Variants in KLHL12 observed in about 807,000 individuals in gnomAD.
KLHL12 encodes the protein kelch like family member 12, also known as kelch-like protein 12.
KLHL12 carries 17 observed loss-of-function variants against 60.8 expected under a neutral mutation model. The ratio of observed to expected loss-of-function variants is 0.28; its 90% CI spans 0.19 to 0.42. The LOEUF is 0.42. Ranked by LOEUF, KLHL12 falls within the 10% of genes least tolerant of loss-of-function variation. The pLI is 1.00. For missense variants in KLHL12, 468 were observed against 722.3 expected (o/e 0.65, Z 4.04); for synonymous variants, 220 against 250.9 (o/e 0.88, Z 1.16).
At chr1:202,928,092 G>T (rs2102470140), upstream of KLHL12, among the ~76,000 whole-genome samples, 1 of 151,832 alleles carries the variant, frequency 6.6e-6, no homozygotes, top group South Asian at 2.1e-4. Flanking sequence ...GGCTAACACG[G>T]TGAAACCCCG....
intron 9 of KLHL12, 135 bp from the exon 10 acceptor site, chr1:202,894,417 C>A (rs143022231): frequency 1.1e-6 from 1 of 878,276 alleles, no homozygotes; most frequent in East Asian, 2.4e-5. Flanking sequence ...TAAGAGAAAT[C>A]TGACATTATG....
At chr1:202,912,082 G>C in intron 4 of KLHL12, 1 of 802,888 alleles carries the variant, frequency 1.2e-6, no homozygotes, top group South Asian at 1.3e-5. Flanking sequence ...AAAGAGAGCT[G>C]TTTCAAGGGA....
In KLHL12 at chr1:202,927,157, G is replaced by T. The variant is rs1461702598; in HGVS notation, c.-114C>A. ...CCTGTGGGGATGGAGTGCGGCGCGG[G>T]GCTAGCAGGCGGCTCGGGAGGAGCC... On this transcript the variant is annotated 5_prime_UTR_variant, in exon 1 of 12. Transcript: ENST00000367261. 2 of 985,260 alleles carry T rather than the reference G, an allele frequency of 2.0e-6. No homozygotes were observed. The allele number at this position is 985,260 out of a possible 1,614,324, so 61.0% of individuals were successfully genotyped here. A position where few individuals can be genotyped will look rare whatever the true frequency, so the allele number is the denominator to read the frequency against.
At chr1:202,927,346 C>T, upstream of KLHL12, 1 of 877,524 alleles carries the variant, frequency 1.1e-6, no homozygotes, top group Non-Finnish European at 1.4e-6. Context: ...TGTCTGTACC[C>T]TAGCGCGGGG....
rs1653610120 is a variant in KLHL12 at position 202,927,129 on chromosome 1, C to G, written c.-86G>C. On this transcript the variant is annotated 5_prime_UTR_variant, in exon 1 of 12. Transcript: ENST00000367261. Reference sequence around the variant, plus strand: ...CACACAGCCGCACCGGGCCCGTCCCCAGCCTGTGGGGATGGAGTGCGGCGC... The same window carrying G: ...CACACAGCCGCACCGGGCCCGTCCCGAGCCTGTGGGGATGGAGTGCGGCGC... 2 of 985,534 alleles carry G rather than the reference C, an allele frequency of 2.0e-6. No homozygotes were observed. The highest frequency in any genetic ancestry group is 2.4e-6 in the Non-Finnish European group (2 of 830,022). 61.0% of individuals were successfully genotyped at this position (985,534 alleles called of 1,614,324 possible). A position where few individuals can be genotyped will look rare whatever the true frequency, so the allele number is the denominator to read the frequency against.
chr1:202,927,551 A>G (rs905820462), upstream of KLHL12, among the ~76,000 whole-genome samples: 1 of 137,038 alleles, frequency 7.3e-6, no homozygotes, highest in African/African-American at 2.7e-5. Context: ...ATTAGCCCGC[A>G]CCGCGCCTGT....
At chr1:202,894,029 A>G (rs1447873747) in intron 10 of KLHL12, among the ~76,000 whole-genome samples, 155 bp downstream of exon 10, 3 of 152,244 alleles carry the variant, frequency 2.0e-5, no homozygotes, top group Non-Finnish European at 4.4e-5. Flanking sequence ...GTAAGTATCA[A>G]CTGTCTTTAT....
chr1:202,914,675 G>C (rs1177167560), intron 4 of KLHL12, among the ~76,000 whole-genome samples: 1 of 152,030 alleles, frequency 6.6e-6, no homozygotes, highest in Non-Finnish European at 1.5e-5. Flanking sequence ...AGACGAGCCT[G>C]GCCAAGATGG....
At chr1:202,906,185 G>T in intron 6 of KLHL12, among the ~76,000 whole-genome samples, 1 of 146,346 alleles carries the variant, frequency 6.8e-6, no homozygotes, top group East Asian at 2.1e-4. Context: ...AGGCGCGGTG[G>T]CTCATGCCCG....
intron 4 of KLHL12, among the ~76,000 whole-genome samples, chr1:202,915,526 A>C (rs1345117536): frequency 1.3e-5 from 2 of 152,210 alleles, no homozygotes; most frequent in Non-Finnish European, 2.9e-5. Context: ...TAAGCTTCTA[A>C]ATAAGGTTAG....
intron 4 of KLHL12, chr1:202,912,339 G>GT (rs1660388705): frequency 1.0e-5 from 8 of 791,652 alleles, no homozygotes; most frequent in Non-Finnish European, 1.8e-5. Context: ...CCATAACTGT[G>GT]AAGTTAGGAA....
chr1:202,900,298 C>T (rs1246121979), intron 6 of KLHL12, among the ~76,000 whole-genome samples: 1 of 147,402 alleles, frequency 6.8e-6, no homozygotes, highest in Non-Finnish European at 1.5e-5. Flanking sequence ...AATCCTAGCA[C>T]TTTGGGAGGC....
chr1:202,918,518 T>A, intron 3 of KLHL12, 130 bp from the exon 4 acceptor site: 1 of 710,788 alleles, frequency 1.4e-6, no homozygotes, highest in East Asian at 2.6e-5. Flanking sequence ...AAGAAACAGA[T>A]TAGAAATTCT....
intron 6 of KLHL12, among the ~76,000 whole-genome samples, chr1:202,905,602 C>T (rs6686801): frequency 0.54 from 81,517 of 151,946 alleles, 22,843 homozygotes; most frequent in Non-Finnish European, 0.62. Context: ...GAAATGCTTA[C>T]GACAAGAAGC....
chr1:202,898,131 C>T (rs1157230340), intron 6 of KLHL12, among the ~76,000 whole-genome samples: 6 of 151,814 alleles, frequency 4.0e-5, no homozygotes, highest in Non-Finnish European at 8.8e-5. Flanking sequence ...CTCAAACTCC[C>T]GGCCTCAAGC....
intron 6 of KLHL12, among the ~76,000 whole-genome samples, chr1:202,897,905 T>G (rs1430443344): frequency 6.6e-6 from 1 of 151,954 alleles, no homozygotes. Flanking sequence ...CCTTCTCCAA[T>G]TTAGTCAACT....
intron 6 of KLHL12, among the ~76,000 whole-genome samples, chr1:202,903,846 T>G (rs1660098878): frequency 6.6e-6 from 1 of 151,188 alleles, no homozygotes; most frequent in African/African-American, 2.4e-5. Flanking sequence ...TGGTCTCGAA[T>G]TCCTGGGCTC....
chr1:202,898,152 C>T (rs978626098), intron 6 of KLHL12, among the ~76,000 whole-genome samples: 1 of 152,188 alleles, frequency 6.6e-6, no homozygotes, highest in African/African-American at 2.4e-5. Flanking sequence ...GATACTCCTG[C>T]CTTAGCCTCC....
chr1:202,924,333 A>C, intron 2 of KLHL12, among the ~76,000 whole-genome samples: 1 of 152,242 alleles, frequency 6.6e-6, no homozygotes, highest in Admixed American at 6.5e-5. Flanking sequence ...ATTTGAAGTT[A>C]TCCTAAAATT....
Sources: gnomAD v4.1 joint callset for allele counts (sites outside exome capture counted in the v4.1 genomes callset) on GRCh38, gnomAD v4.1.1 for gene constraint, MANE v1.5 for transcripts, NCBI Gene and HGNC (gene_info 2026-07-23, HGNC 2026-07-21) for gene names.